The following CFAP44 variants were observed in gnomAD, a reference collection of about 807,000 sequenced individuals.
The protein encoded by CFAP44 is cilia- and flagella-associated protein 44.
Under a neutral mutation model 216.2 loss-of-function variants are expected in CFAP44, and 134 were observed. That is an observed-to-expected ratio of 0.62 (90% CI 0.54 to 0.72). The LOEUF (loss-of-function observed/expected upper bound fraction) is 0.72. Ranked by LOEUF, CFAP44 falls within the 30% of genes least tolerant of loss-of-function variation. The pLI is 0.00. For missense variants in CFAP44, 2,035 were observed against 2,182.1 expected (o/e 0.93, Z 1.34); for synonymous variants, 700 against 727.6 (o/e 0.96, Z 0.61).
At chr3:113,342,991 A>C (rs982571907) in intron 23 of CFAP44, among the ~76,000 whole-genome samples, 1 of 149,958 alleles carries the variant, frequency 6.7e-6, no homozygotes, top group South Asian at 2.1e-4. Flanking sequence ...ATCAAAAATA[A>C]ATAAATAAAT....
chr3:113,438,670 C>G (rs77343194), intron 1 of CFAP44, among the ~76,000 whole-genome samples: 5,863 of 152,262 alleles, frequency 0.039, 168 homozygotes, highest in African/African-American at 0.07. Context: ...CTCAGCTCTA[C>G]TTCTTAGTAT....
intron 15 of CFAP44, among the ~76,000 whole-genome samples, chr3:113,385,959 AT>A (rs1401373400): frequency 2.0e-5 from 3 of 151,292 alleles, no homozygotes; most frequent in Non-Finnish European, 2.9e-5. Flanking sequence ...TTCTTTATTG[AT>A]TTTCGATCTA....
intron 28 of CFAP44, among the ~76,000 whole-genome samples, chr3:113,325,454 T>C (rs1441842252): frequency 6.6e-6 from 1 of 151,834 alleles, no homozygotes; most frequent in African/African-American, 2.4e-5. Flanking sequence ...TTATTTTTTA[T>C]TTTTTTTGGA....
At chr3:113,392,312 T>A (rs1933864622) in intron 15 of CFAP44, among the ~76,000 whole-genome samples, 1 of 151,262 alleles carries the variant, frequency 6.6e-6, no homozygotes, top group African/African-American at 2.4e-5. Context: ...AAGACAAACA[T>A]CACATGGTCT....
chr3:113,379,405 C>T lies in CFAP44; in HGVS notation c.2199G>A (p.Glu733=). 6.2e-7 allele frequency: 1 copy of T among 1,607,694 alleles called. No homozygotes were observed. Among genetic ancestry groups the T allele is most frequent in the South Asian group, 1.1e-5 (1 of 90,280 alleles). ...TTTCAGGTAATGGCTCTTCTTCCTC[C>T]TCCTCCTCCTCTTTCTCCTCTTCCT... ...QEEEEEKEEE[E]EEEEPLPEIF... Residue 733 remains glutamate (E), a synonymous_variant, in exon 17 of 35, where the codon GAG becomes GAA. Coordinates refer to ENST00000393845, the MANE Select transcript of CFAP44 (RefSeq NM_001164496.2).
chr3:113,401,767 A>G (rs3732808), intron 9 of CFAP44, 28 bp from the exon 10 acceptor site: 102,405 of 1,576,852 alleles, frequency 0.065, 3,901 homozygotes, highest in East Asian at 0.17. Flanking sequence ...AAATACTTTA[A>G]TCGATCAGTA....
chr3:113,411,535 T>G lies in CFAP44; in HGVS notation c.674-2213A>C, dbSNP rs577427813. ...TGTTTTAGTACCAGTACCATGCTGT[T>G]TTGGTTACTGTAGCCTTGTAGTATA... is the stretch of plus-strand genomic sequence containing the variant. On this transcript the variant is annotated intron_variant, in intron 6 of 34. Transcript: ENST00000393845. 3.3e-5 allele frequency among the ~76,000 whole-genome samples: 5 copies of G among 152,348 alleles called. No homozygotes were observed. In the South Asian group the frequency reaches 1.0e-3, roughly 32 times the overall value.
chr3:113,344,473 T>C, intron 23 of CFAP44, 43 bp downstream of exon 23: 2 of 1,492,402 alleles, frequency 1.3e-6, no homozygotes, highest in Non-Finnish European at 1.8e-6. Context: ...ACTTTTGAAG[T>C]CTTAGTAAAT....
chr3:113,369,051 T>C (rs985048284), intron 18 of CFAP44, among the ~76,000 whole-genome samples: 6 of 152,166 alleles, frequency 3.9e-5, no homozygotes, highest in Non-Finnish European at 7.4e-5. Flanking sequence ...CCTAAATATA[T>C]ATGCACTCAA....
At chr3:113,412,536 C>A (rs1033830632) in intron 6 of CFAP44, among the ~76,000 whole-genome samples, 1 of 151,872 alleles carries the variant, frequency 6.6e-6, no homozygotes, top group Admixed American at 6.6e-5. Flanking sequence ...CCCCCACCCC[C>A]CAACAGGCCC....
chr3:113,400,145 C>T, intron 12 of CFAP44, 145 bp from the exon 13 acceptor site: 2 of 518,676 alleles, frequency 3.9e-6, no homozygotes, highest in Non-Finnish European at 6.7e-6. Flanking sequence ...ATTTCAGGTA[C>T]AACCTCAAAC....
At chr3:113,410,216 T>A (rs959390880) in intron 6 of CFAP44, among the ~76,000 whole-genome samples, 1 of 152,206 alleles carries the variant, frequency 6.6e-6, no homozygotes, top group African/African-American at 2.4e-5. Flanking sequence ...TTGTTACATA[T>A]GTATACATGT....
chr3:113,326,707 C>T, intron 27 of CFAP44, 67 bp from the exon 28 acceptor site: 1 of 935,348 alleles, frequency 1.1e-6, no homozygotes, highest in East Asian at 2.8e-5. Context: ...GAGCAATGTA[C>T]TTTACAATAC....
rs556157466 is a variant in CFAP44, at chr3:113,394,498, A to T, written c.1890+1252T>A. On this transcript the variant is annotated intron_variant, in intron 15 of 34. Coordinates refer to ENST00000393845, the MANE Select transcript of CFAP44 (RefSeq NM_001164496.2). ...AACCATCTGTAGCTATCTCTTATTC[A>T]TTTGGTCATATCCTACCAATTTCTC... is the stretch of plus-strand genomic sequence containing the variant. Among the ~76,000 whole-genome samples, 8 of 152,320 alleles carry T rather than the reference A, an allele frequency of 5.3e-5. No homozygotes were observed. The South Asian group carries it at 1.7e-3, about 32-fold the overall frequency.
intron 6 of CFAP44, among the ~76,000 whole-genome samples, chr3:113,415,252 C>T (rs914005932): frequency 3.3e-5 from 5 of 151,602 alleles, no homozygotes; most frequent in Admixed American, 6.6e-5. Context: ...TTCTTCTCTT[C>T]CTTCTTCCTT....
rs1186246735 is a variant in CFAP44 at position 113,358,987 on chromosome 3, T to C, written c.2935-112A>G. On this transcript the variant is annotated intron_variant, in intron 21 of 34. Coordinates refer to ENST00000393845, the MANE Select transcript of CFAP44 (RefSeq NM_001164496.2). Reference sequence around the variant, plus strand: ...CATCATAACTCTTCCCCAAATATCATAAACTCTGTCCATTACAAAAGAAAA... The same window carrying C: ...CATCATAACTCTTCCCCAAATATCACAAACTCTGTCCATTACAAAAGAAAA... 12 of 1,278,010 alleles carry C rather than the reference T, an allele frequency of 9.4e-6. No homozygotes were observed. The Admixed American group carries it at 3.4e-4, about 36-fold the overall frequency. The allele number at this position is 1,278,010 out of a possible 1,614,324, so 79.2% of individuals were successfully genotyped here.
Position 113,330,404 on chromosome 3 carries a change from C to A in CFAP44, c.3880G>T (p.Val1294Leu). ...GGGCCTCCAGACCCTGTCTGTTCCA[C>A]TCCGGGGGACTTTTCATCTTTACTT... The part of the protein sequence containing the change: ...MKSKDEKSPG[V>L]EQTGSGGPVG... Residue 1294 changes from valine (V) to leucine (L), a missense_variant, in exon 26 of 35, where the codon GTG (valine) becomes TTG (leucine). Val to Leu is a conservative substitution (Grantham distance 32). Around this residue, in one of 3 missense-constraint regions of CFAP44, gnomAD observed 1,883 missense variants for 2,023.7 expected, o/e 0.93. Coordinates refer to ENST00000393845, the MANE Select transcript of CFAP44 (RefSeq NM_001164496.2). 6.5e-7 allele frequency: 1 copy of A among 1,537,396 alleles called. No individual in the cohort carries two copies. Among genetic ancestry groups the A allele is most frequent in the African/African-American group, 1.4e-5 (1 of 73,162 alleles).
intron 32 of CFAP44, among the ~76,000 whole-genome samples, chr3:113,298,056 G>C (rs987957488): frequency 3.3e-5 from 5 of 152,230 alleles, no homozygotes; most frequent in African/African-American, 1.2e-4. Context: ...TGATGTGCAC[G>C]TGTGTGCTGG....
At position 113,395,811 on chromosome 3, in the gene CFAP44, G is replaced by A. The variant is rs768460266; in HGVS notation, c.1829C>T (p.Pro610Leu). 14 of 1,613,304 alleles carry A rather than the reference G, an allele frequency of 8.7e-6. No homozygotes were observed. Among genetic ancestry groups the A allele is most frequent in the South Asian group, 6.6e-5 (6 of 91,002 alleles). ...TCCAGGAGTATTAATATAACCAATCGGCTTATAATCCCTTTCCACTTCAAA... is the reference window on the plus strand; with the variant it reads ...TCCAGGAGTATTAATATAACCAATCAGCTTATAATCCCTTTCCACTTCAAA... ...FFFEVERDYK[P>L]IGYINTPGPV... Residue 610 changes from proline (P) to leucine (L), a missense_variant, in exon 15 of 35, where the codon CCG becomes CTG. Around this residue, in one of 3 missense-constraint regions of CFAP44, gnomAD observed 1,883 missense variants for 2,023.7 expected, o/e 0.93. Coordinates refer to ENST00000393845, the MANE Select transcript of CFAP44 (RefSeq NM_001164496.2).
Sources: allele counts gnomAD v4.1 joint callset (sites outside exome capture counted in the v4.1 genomes callset), GRCh38; gene constraint gnomAD v4.1.1; regional missense constraint gnomAD v4.1.1; transcripts MANE v1.5; gene names NCBI Gene and HGNC (gene_info 2026-07-23, HGNC 2026-07-21).